The following MYRIP variants were observed in gnomAD, a reference collection of about 807,000 sequenced individuals.
MYRIP encodes myosin VIIA and Rab interacting protein, also known as rab effector MyRIP.
A neutral mutation model predicts 98.0 loss-of-function variants in MYRIP; 49 were observed. The observed-to-expected ratio is 0.50, with a 90% CI of 0.40 to 0.63. MYRIP has a LOEUF of 0.63. Among genes scored for constraint, MYRIP ranks in the 30% least tolerant of loss-of-function variants. The pLI is 0.00. For missense variants in MYRIP, 1,004 were observed against 1,058.2 expected (o/e 0.95, Z 0.71); for synonymous variants, 404 against 409.5 (o/e 0.99, Z 0.16).
At chr3:39,906,663 G>C (rs1943885988) in intron 2 of MYRIP, among the ~76,000 whole-genome samples, 1 of 152,016 alleles carries the variant, frequency 6.6e-6, no homozygotes, top group Non-Finnish European at 1.5e-5. Context: ...AAATAACCGG[G>C]CACCTATGCC....
At chr3:39,923,253 G>A (rs2125692864) in intron 2 of MYRIP, among the ~76,000 whole-genome samples, 1 of 152,090 alleles carries the variant, frequency 6.6e-6, no homozygotes, top group East Asian at 1.9e-4. Context: ...CAGAAGGAAA[G>A]GAGAAAGAGA....
At chr3:40,025,161 A>T (rs577121507) in intron 2 of MYRIP, among the ~76,000 whole-genome samples, 5 of 152,288 alleles carry the variant, frequency 3.3e-5, no homozygotes, top group South Asian at 2.1e-4. Context: ...GCCTTATCAG[A>T]CAGCACTCAT....
At chr3:39,902,814 G>A (rs1943776131) in intron 2 of MYRIP, among the ~76,000 whole-genome samples, 2 of 152,170 alleles carry the variant, frequency 1.3e-5, no homozygotes, top group African/African-American at 4.8e-5. Flanking sequence ...TTGGTTTGAG[G>A]AGGAAAATTT....
intron 1 of MYRIP, among the ~76,000 whole-genome samples, chr3:39,871,893 T>A (rs993866636): frequency 6.6e-6 from 1 of 152,008 alleles, no homozygotes; most frequent in South Asian, 2.1e-4. Flanking sequence ...AAGCATTATA[T>A]GTGTATGCTA....
At position 40,057,039 on chromosome 3, in the gene MYRIP, G is replaced by GT. The variant is rs536998199; in HGVS notation, c.332+12769dup. Among the ~76,000 whole-genome samples, 177 of 152,276 alleles carry GT rather than the reference G, an allele frequency of 1.2e-3. 2 individuals carry two copies. The South Asian group carries it at 0.034, about 29-fold the overall frequency. On this transcript the variant is annotated intron_variant, in intron 3 of 16. Coordinates refer to ENST00000302541, the MANE Select transcript of MYRIP (RefSeq NM_015460.4). Reference sequence around the variant, plus strand: ...AATTACTGCTGTTATTGATGTGATAGTAACAGTGTTGCCGGCTTCTCTAGG... The same window carrying GT: ...AATTACTGCTGTTATTGATGTGATAGTTAACAGTGTTGCCGGCTTCTCTAGG...
intron 3 of MYRIP, among the ~76,000 whole-genome samples, chr3:40,080,295 G>C (rs1252472588): frequency 1.3e-5 from 2 of 152,020 alleles, no homozygotes; most frequent in Non-Finnish European, 2.9e-5. Flanking sequence ...GTTGTGTATT[G>C]TGTTTTTATA....
chr3:40,193,475 G>A (rs772015341), intron 10 of MYRIP, among the ~76,000 whole-genome samples: 1 of 152,090 alleles, frequency 6.6e-6, no homozygotes, highest in Non-Finnish European at 1.5e-5. Flanking sequence ...GATTTTATAA[G>A]CAGTACTGCG....
intron 9 of MYRIP, among the ~76,000 whole-genome samples, chr3:40,188,597 G>A (rs1310618770): frequency 2.0e-5 from 3 of 152,144 alleles, no homozygotes; most frequent in Non-Finnish European, 4.4e-5. Context: ...GACCAACATG[G>A]TTAAACCCCG....
intron 5 of MYRIP, among the ~76,000 whole-genome samples, chr3:40,166,566 G>A (rs904436042): frequency 3.3e-5 from 5 of 152,276 alleles, no homozygotes; most frequent in Non-Finnish European, 4.4e-5. Flanking sequence ...CTTGGGGTCC[G>A]TGGGAACCAG....
chr3:40,119,618 G>C (rs1575552754), intron 3 of MYRIP, among the ~76,000 whole-genome samples: 1 of 152,232 alleles, frequency 6.6e-6, no homozygotes, highest in East Asian at 1.9e-4. Flanking sequence ...GTCCTTTGTA[G>C]GGACATGGAT....
intron 1 of MYRIP, among the ~76,000 whole-genome samples, chr3:39,831,695 TCATTCTAC>T: frequency 6.6e-6 from 1 of 152,224 alleles, no homozygotes; most frequent in Non-Finnish European, 1.5e-5. Context: ...TATACCTATG[TCATTCTAC>T]ATATATTTAC....
intron 2 of MYRIP, among the ~76,000 whole-genome samples, chr3:40,042,882 G>T (rs1171778427): frequency 6.6e-6 from 1 of 152,104 alleles, no homozygotes; most frequent in African/African-American, 2.4e-5. Flanking sequence ...ACTTAAACAT[G>T]CCCAGAACAC....
chr3:40,038,890 A>G (rs1258598327), intron 2 of MYRIP, among the ~76,000 whole-genome samples: 2 of 152,100 alleles, frequency 1.3e-5, no homozygotes, highest in Non-Finnish European at 2.9e-5. Flanking sequence ...GCAGCTTTGG[A>G]TAATTTTCCT....
intron 12 of MYRIP, among the ~76,000 whole-genome samples, chr3:40,239,231 A>G (rs1236922276): frequency 4.0e-5 from 6 of 151,750 alleles, no homozygotes; most frequent in Non-Finnish European, 7.4e-5. Context: ...TACAAAGGAC[A>G]TGAACTCATC....
intron 2 of MYRIP, among the ~76,000 whole-genome samples, chr3:39,934,747 G>A (rs1021129282): frequency 6.6e-6 from 1 of 152,188 alleles, no homozygotes; most frequent in South Asian, 2.1e-4. Flanking sequence ...AACGTTATCA[G>A]TATACAGCGA....
At chr3:39,997,736 G>A (rs1299658588) in intron 2 of MYRIP, among the ~76,000 whole-genome samples, 2 of 152,050 alleles carry the variant, frequency 1.3e-5, no homozygotes, top group East Asian at 3.9e-4. Context: ...AACAAAAAAA[G>A]AGAATTTTAG....
chr3:40,033,137 G>A (rs1373406630), intron 2 of MYRIP, among the ~76,000 whole-genome samples: 2 of 149,046 alleles, frequency 1.3e-5, no homozygotes, highest in South Asian at 2.1e-4. Flanking sequence ...AAAACTGGAA[G>A]CATTCCCTCT....
rs555337815 is a variant in MYRIP, at chr3:40,078,187, G to A, written c.332+33916G>A. Among the ~76,000 whole-genome samples, 1,388 of 152,354 alleles carry A rather than the reference G, an allele frequency of 9.1e-3. 18 individuals are homozygous for A. Among genetic ancestry groups the A allele is most frequent in the African/African-American group, 0.03 (1,261 of 41,576 alleles). On this transcript the variant is annotated intron_variant, in intron 3 of 16. Coordinates refer to ENST00000302541, the MANE Select transcript of MYRIP (RefSeq NM_015460.4). ...TGGCCCGGGTGCTAAGCCCCTCATT[G>A]CCCAGGGCCGGCAGGGCCAGCTGGC...
At chr3:40,046,583 G>A (rs893879336) in intron 3 of MYRIP, among the ~76,000 whole-genome samples, 2 of 147,578 alleles carry the variant, frequency 1.4e-5, no homozygotes, top group African/African-American at 5.1e-5. Flanking sequence ...GAACTCAGTT[G>A]GAGAGGAGGA....
Sources: allele counts gnomAD v4.1 joint callset (sites outside exome capture counted in the v4.1 genomes callset), GRCh38; gene constraint gnomAD v4.1.1; transcripts MANE v1.5; gene names NCBI Gene and HGNC (gene_info 2026-07-23, HGNC 2026-07-21).